The following SLC4A10 variants were observed in gnomAD, a reference collection of about 807,000 sequenced individuals.
SLC4A10 encodes the protein solute carrier family 4 member 10, also known as sodium-driven chloride bicarbonate exchanger.
A neutral mutation model predicts 137.7 loss-of-function variants in SLC4A10; 42 were observed. That is an observed-to-expected ratio of 0.30 (90% CI 0.24 to 0.39). SLC4A10 has a LOEUF of 0.39. Among genes scored for constraint, SLC4A10 ranks in the 10% least tolerant of loss-of-function variants. The pLI is 1.00. For synonymous variants in SLC4A10, 474 were observed against 464.1 expected (o/e 1.02, Z -0.27); for missense variants, 925 against 1,355.0 (o/e 0.68, Z 4.98).
chr2:161,787,394 C>G (rs2053746166), intron 2 of SLC4A10, among the ~76,000 whole-genome samples: 1 of 152,030 alleles, frequency 6.6e-6, no homozygotes, highest in Admixed American at 6.6e-5. Flanking sequence ...TGACTATATG[C>G]CTTGATGATG....
intron 2 of SLC4A10, among the ~76,000 whole-genome samples, chr2:161,780,665 A>G (rs911168580): frequency 2.8e-4 from 43 of 152,070 alleles, no homozygotes; most frequent in African/African-American, 2.4e-5. Context: ...TTTTTTAAAA[A>G]ATTCTTTCAT....
intron 1 of SLC4A10, among the ~76,000 whole-genome samples, chr2:161,701,837 T>C (rs756338428): frequency 4.6e-5 from 7 of 151,290 alleles, no homozygotes; most frequent in Non-Finnish European, 8.9e-5. Flanking sequence ...GATATGCAAA[T>C]CAAAACCACA....
chr2:161,951,778 A>G (rs1330154078), intron 19 of SLC4A10, among the ~76,000 whole-genome samples: 1 of 152,184 alleles, frequency 6.6e-6, no homozygotes, highest in African/African-American at 2.4e-5. Flanking sequence ...TATTGGGTCA[A>G]TGCAAAAGTA....
chr2:161,888,028 G>T (rs1453201610), intron 10 of SLC4A10, among the ~76,000 whole-genome samples: 1 of 152,154 alleles, frequency 6.6e-6, no homozygotes. Flanking sequence ...CATATGGCTA[G>T]CTAGTTTTCC....
intron 15 of SLC4A10, among the ~76,000 whole-genome samples, chr2:161,932,644 T>C (rs1690618771): frequency 6.6e-6 from 1 of 152,158 alleles, no homozygotes; most frequent in African/African-American, 2.4e-5. Context: ...ATGACATGGA[T>C]TGGGCATCTG....
chr2:161,804,259 A>G (rs1254149786), intron 2 of SLC4A10, among the ~76,000 whole-genome samples, 190 bp from the exon 3 acceptor site: 1 of 152,178 alleles, frequency 6.6e-6, no homozygotes, highest in Admixed American at 6.6e-5. Context: ...CATGTTTGTG[A>G]TAGAGCTATG....
intron 2 of SLC4A10, among the ~76,000 whole-genome samples, chr2:161,787,043 T>A (rs2053704850): frequency 6.6e-6 from 1 of 152,106 alleles, no homozygotes; most frequent in Non-Finnish European, 1.5e-5. Context: ...TATACTTTTT[T>A]ATGACAAAGA....
chr2:161,699,905 G>C (rs2042952472), intron 1 of SLC4A10, among the ~76,000 whole-genome samples: 1 of 152,206 alleles, frequency 6.6e-6, no homozygotes, highest in Non-Finnish European at 1.5e-5. Flanking sequence ...TATAATTTTA[G>C]TTAATCTAAT....
Position 161,816,527 on chromosome 2 carries a change from G to T in SLC4A10, c.277+11932G>T, listed in dbSNP as rs141359923. Reference sequence around the variant, plus strand: ...AAGTTTTAGGGTACATGTGGACAACGTGCAGGTTTCTTACATACGTATACA... The same window carrying T: ...AAGTTTTAGGGTACATGTGGACAACTTGCAGGTTTCTTACATACGTATACA... On this transcript the variant is annotated intron_variant, in intron 3 of 26. Coordinates refer to ENST00000446997, the MANE Select transcript of SLC4A10 (RefSeq NM_001178015.2). 6.0e-3 allele frequency among the ~76,000 whole-genome samples: 919 copies of T among 151,958 alleles called. 21 individuals are homozygous for T. Among genetic ancestry groups the T allele is most frequent in the East Asian group, 0.049 (252 of 5,154 alleles).
At chr2:161,889,403 A>C (rs1013096030) in intron 10 of SLC4A10, among the ~76,000 whole-genome samples, 1 of 152,098 alleles carries the variant, frequency 6.6e-6, no homozygotes, top group Non-Finnish European at 1.5e-5. Flanking sequence ...CTATGAATCC[A>C]TCTGGTGCTG....
intron 1 of SLC4A10, among the ~76,000 whole-genome samples, chr2:161,678,975 TA>T (rs2105839190): frequency 6.6e-6 from 1 of 152,300 alleles, no homozygotes; most frequent in African/African-American, 2.4e-5. Flanking sequence ...TTTGGGTATA[TA>T]ACTAGGAATG....
At chr2:161,753,951 G>A (rs564319144) in intron 1 of SLC4A10, among the ~76,000 whole-genome samples, 8 of 151,436 alleles carry the variant, frequency 5.3e-5, no homozygotes, top group South Asian at 2.1e-4. Context: ...GTGCAGTGGC[G>A]CAATCTTGGC....
intron 1 of SLC4A10, among the ~76,000 whole-genome samples, chr2:161,725,731 A>G (rs2046149336): frequency 6.6e-6 from 1 of 152,216 alleles, no homozygotes. Flanking sequence ...AACCTTTGAA[A>G]TCAATTTTCC....
At chr2:161,644,068 C>CTTTTTTTTTTTTTTTTTTTTTT (rs5835873) in intron 1 of SLC4A10, among the ~76,000 whole-genome samples, 1 of 143,732 alleles carries the variant, frequency 7.0e-6, no homozygotes, top group Non-Finnish European at 1.5e-5. Flanking sequence ...GGCTTCTAAT[C>CTTTTTTTTTTTTTTTTTTTTTT]TTTTTTTTTT....
At chr2:161,800,988 G>A (rs892420283) in intron 2 of SLC4A10, among the ~76,000 whole-genome samples, 3 of 152,034 alleles carry the variant, frequency 2.0e-5, no homozygotes, top group African/African-American at 7.2e-5. Context: ...AGAAAGACAG[G>A]TTTATGTTTC....
At chr2:161,962,281 C>T (rs1440192390) in intron 21 of SLC4A10, among the ~76,000 whole-genome samples, 1 of 152,092 alleles carries the variant, frequency 6.6e-6, no homozygotes, top group African/African-American at 2.4e-5. Flanking sequence ...ATATTCATTC[C>T]AACACTTCAG....
intron 7 of SLC4A10, 58 bp from the exon 8 acceptor site, chr2:161,873,858 G>C: frequency 6.6e-7 from 1 of 1,515,218 alleles, no homozygotes; most frequent in South Asian, 1.2e-5. Flanking sequence ...TCTGGTGCCT[G>C]GCGGAGTCTC....
intron 6 of SLC4A10, among the ~76,000 whole-genome samples, chr2:161,871,765 C>A (rs947822360): frequency 6.6e-6 from 1 of 152,008 alleles, no homozygotes; most frequent in Non-Finnish European, 1.5e-5. Flanking sequence ...TCTAACTGAA[C>A]CCCCTTATAT....
chr2:161,942,435 A>C (rs1692884687), intron 15 of SLC4A10, among the ~76,000 whole-genome samples: 1 of 152,180 alleles, frequency 6.6e-6, no homozygotes, highest in South Asian at 2.1e-4. Flanking sequence ...TCATCTTCAG[A>C]ATATGAATTA....
Sources: gnomAD v4.1 joint callset for allele counts (sites outside exome capture counted in the v4.1 genomes callset) on GRCh38, gnomAD v4.1.1 for gene constraint, MANE v1.5 for transcripts, NCBI Gene and HGNC (gene_info 2026-07-23, HGNC 2026-07-21) for gene names.